Variants in CLSTN2 observed in about 807,000 individuals in gnomAD.
CLSTN2 encodes calsyntenin-2.
CLSTN2 carries 48 observed loss-of-function variants against 101.2 expected under a neutral mutation model. The ratio of observed to expected loss-of-function variants is 0.47; its 90% CI spans 0.38 to 0.60. CLSTN2 has a LOEUF of 0.60. Among genes scored for constraint, CLSTN2 ranks in the 20% least tolerant of loss-of-function variants. The pLI is 0.00. For missense variants in CLSTN2, 1,160 were observed against 1,238.2 expected (o/e 0.94, Z 0.95); for synonymous variants, 481 against 463.6 (o/e 1.04, Z -0.48).
At chr3:140,481,321 C>G (rs201277165) in intron 8 of CLSTN2, among the ~76,000 whole-genome samples, 56 of 152,282 alleles carry the variant, frequency 3.7e-4, no homozygotes, top group East Asian at 1.9e-3. Context: ...TGTTTTGGTA[C>G]CAGTACCATG....
chr3:140,296,005 G>A (rs529365374), intron 2 of CLSTN2, among the ~76,000 whole-genome samples: 2 of 152,294 alleles, frequency 1.3e-5, no homozygotes, highest in East Asian at 1.9e-4. Flanking sequence ...ATTCTTATAT[G>A]TTGAATAGCC....
Position 140,425,135 on chromosome 3 carries a change from A to C in CLSTN2, c.787+3861A>C, listed in dbSNP as rs201071635. Among the ~76,000 whole-genome samples, 54 of 152,354 alleles carry C rather than the reference A, an allele frequency of 3.5e-4. No homozygotes were observed. The East Asian group carries it at 0.01, about 28-fold the overall frequency. ...TTTAAGCAGGAGGGGATTGCAGCAC[A>C]GTGAATCCAATCCATTACACGCAAG... is the stretch of plus-strand genomic sequence containing the variant. On this transcript the variant is annotated intron_variant, in intron 5 of 16. Coordinates refer to ENST00000458420, the MANE Select transcript of CLSTN2 (RefSeq NM_022131.3).
chr3:139,974,327 C>A (rs1935773573), intron 1 of CLSTN2, among the ~76,000 whole-genome samples: 1 of 152,208 alleles, frequency 6.6e-6, no homozygotes, highest in African/African-American at 2.4e-5. Context: ...TTCCTGGACT[C>A]AACCAAGACA....
At chr3:140,058,360 A>G (rs2008136880) in intron 1 of CLSTN2, among the ~76,000 whole-genome samples, 2 of 152,202 alleles carry the variant, frequency 1.3e-5, no homozygotes. Flanking sequence ...GGATCTCATT[A>G]GGATTTTATT....
intron 1 of CLSTN2, among the ~76,000 whole-genome samples, chr3:140,131,675 G>A (rs2009525187): frequency 6.6e-6 from 1 of 152,084 alleles, no homozygotes; most frequent in South Asian, 2.1e-4. Context: ...GTGAGAGGAG[G>A]TGGGACAGTC....
intron 4 of CLSTN2, among the ~76,000 whole-genome samples, chr3:140,418,519 T>G (rs1345341328): frequency 6.9e-6 from 1 of 144,248 alleles, no homozygotes; most frequent in Admixed American, 6.8e-5. Context: ...CTTTCTTTCT[T>G]TTTTTTTTTT....
At chr3:139,973,589 C>T (rs1001252832) in intron 1 of CLSTN2, among the ~76,000 whole-genome samples, 1 of 151,792 alleles carries the variant, frequency 6.6e-6, no homozygotes, top group African/African-American at 2.4e-5. Flanking sequence ...CCCTGCCTGG[C>T]TGGGAAAAAA....
chr3:140,007,661 C>T (rs927999884), intron 1 of CLSTN2, among the ~76,000 whole-genome samples: 2 of 152,174 alleles, frequency 1.3e-5, no homozygotes, highest in Non-Finnish European at 2.9e-5. Context: ...GTGGGAGGCT[C>T]GGTCTGGCTC....
intron 2 of CLSTN2, among the ~76,000 whole-genome samples, chr3:140,286,777 G>C (rs1041672803): frequency 1.3e-5 from 2 of 152,220 alleles, no homozygotes; most frequent in African/African-American, 4.8e-5. Context: ...TGGGAAGATA[G>C]CCCTGGATAG....
intron 1 of CLSTN2, among the ~76,000 whole-genome samples, chr3:140,000,728 G>A (rs73224991): frequency 0.21 from 31,249 of 152,046 alleles, 3,534 homozygotes; most frequent in Admixed American, 0.34. Context: ...TGTTGCTTGC[G>A]CTGGTAGAGC....
chr3:140,016,983 G>A (rs920911911), intron 1 of CLSTN2, among the ~76,000 whole-genome samples: 3 of 152,024 alleles, frequency 2.0e-5, no homozygotes, highest in Non-Finnish European at 4.4e-5. Context: ...AAGCGATGTC[G>A]GTGTCCCTAA....
chr3:140,323,034 GTATTA>G (rs1168589937), intron 2 of CLSTN2, among the ~76,000 whole-genome samples: 1 of 152,228 alleles, frequency 6.6e-6, no homozygotes, highest in East Asian at 1.9e-4. Flanking sequence ...TTTCTCTGAT[GTATTA>G]TATTTGTTAA....
At chr3:140,046,990 T>A (rs1437117986) in intron 1 of CLSTN2, among the ~76,000 whole-genome samples, 2 of 152,120 alleles carry the variant, frequency 1.3e-5, no homozygotes, top group African/African-American at 2.4e-5. Context: ...ACGTATATTA[T>A]CATTGATATT....
chr3:140,576,534 T>C lies in CLSTN2; in HGVS notation c.*10281T>C, dbSNP rs1480167582. ...AGCTGCCACCGCCATTTAAAAGTGT[T>C]GGACGCTGTTTATTCCCAGCTTCTC... On this transcript the variant is annotated 3_prime_UTR_variant, in exon 17 of 17. Transcript: ENST00000458420. 1 of 152,314 alleles carries C rather than the reference T, an allele frequency of 6.6e-6. No homozygotes were observed. The allele number at this position is 152,314 out of a possible 1,614,324, so 9.4% of individuals were successfully genotyped here.
chr3:140,322,607 A>T (rs2087294306), intron 2 of CLSTN2, among the ~76,000 whole-genome samples: 1 of 152,194 alleles, frequency 6.6e-6, no homozygotes, highest in Non-Finnish European at 1.5e-5. Flanking sequence ...ATTTCTGTTG[A>T]ACCTTAAAAA....
chr3:139,945,581 C>T (rs1935202773), intron 1 of CLSTN2, among the ~76,000 whole-genome samples: 1 of 152,190 alleles, frequency 6.6e-6, no homozygotes, highest in South Asian at 2.1e-4. Flanking sequence ...TGTCACACAG[C>T]TGGTAGTCAC....
intron 2 of CLSTN2, among the ~76,000 whole-genome samples, chr3:140,334,848 G>A (rs148287638): frequency 6.6e-6 from 1 of 152,204 alleles, no homozygotes; most frequent in African/African-American, 2.4e-5. Flanking sequence ...CTTGAAGCCA[G>A]TCCAGCAATC....
intron 9 of CLSTN2, among the ~76,000 whole-genome samples, chr3:140,544,129 G>A (rs150153648): frequency 3.7e-4 from 57 of 152,320 alleles, no homozygotes; most frequent in Admixed American, 2.7e-3. Context: ...ATTACAAAAC[G>A]TCCGCTATGT....
intron 2 of CLSTN2, among the ~76,000 whole-genome samples, chr3:140,363,833 C>T (rs1180936579): frequency 2.0e-5 from 3 of 152,098 alleles, no homozygotes; most frequent in Non-Finnish European, 2.9e-5. Flanking sequence ...GGAGGGGGAA[C>T]CTGGGGGCTA....
Sources: allele counts gnomAD v4.1 joint callset (sites outside exome capture counted in the v4.1 genomes callset), GRCh38; gene constraint gnomAD v4.1.1; transcripts MANE v1.5; gene names NCBI Gene and HGNC (gene_info 2026-07-23, HGNC 2026-07-21).